Variants in MAP3K5 observed in about 807,000 individuals in gnomAD.
MAP3K5 encodes the protein mitogen-activated protein kinase kinase kinase 5, also known as ASK-1.
MAP3K5 carries 56 observed loss-of-function variants against 158.7 expected under a neutral mutation model. That is an observed-to-expected ratio of 0.35 (90% CI 0.28 to 0.44). MAP3K5 has a LOEUF of 0.44. MAP3K5 is among the 20% of genes least tolerant of loss of function. MAP3K5 has a pLI of 1.00. For synonymous variants in MAP3K5, 579 were observed against 601.7 expected (o/e 0.96, Z 0.55); for missense variants, 1,294 against 1,674.8 (o/e 0.77, Z 3.97).
At position 136,562,837 on chromosome 6, in the gene MAP3K5, A is replaced by ATTTTTTTTTTTT. The variant is rs3040779; in HGVS notation, c.3762-234_3762-223dup. Reference sequence around the variant, plus strand: ...AGACATGCACCACCATGCCTGGCTAATTTTTTTTTTTTTTTTTTTTGTAGA... The same window carrying ATTTTTTTTTTTT: ...AGACATGCACCACCATGCCTGGCTAATTTTTTTTTTTTTTTTTTTTTTTTTTTTTTTTGTAGA... On this transcript the variant is annotated intron_variant, in intron 26 of 29. Coordinates refer to ENST00000359015, the MANE Select transcript of MAP3K5 (RefSeq NM_005923.4). 1.3e-4 allele frequency among the ~76,000 whole-genome samples: 16 copies of ATTTTTTTTTTTT among 124,832 alleles called. No individual in the cohort carries two copies. In the East Asian group the frequency reaches 2.0e-3, roughly 15 times the overall value. The allele number at this position is 124,832 out of a possible 152,430, so 81.9% of individuals were successfully genotyped here.
At chr6:136,618,108 CAG>C (rs891063938) in intron 15 of MAP3K5, among the ~76,000 whole-genome samples, 2 of 152,140 alleles carry the variant, frequency 1.3e-5, no homozygotes, top group African/African-American at 4.8e-5. Context: ...ATGAAGGAAA[CAG>C]AGGAGAAATT....
chr6:136,558,642 A>G (rs1830362055), intron 29 of MAP3K5, among the ~76,000 whole-genome samples, 158 bp downstream of exon 29: 1 of 152,192 alleles, frequency 6.6e-6, no homozygotes, highest in East Asian at 1.9e-4. Flanking sequence ...CAAAAATATC[A>G]TTGTCCAACT....
rs1219820510 is a variant in MAP3K5, at chr6:136,764,121, G to A, written c.448+27589C>T. On this transcript the variant is annotated intron_variant, in intron 1 of 29. Coordinates refer to ENST00000359015, the MANE Select transcript of MAP3K5 (RefSeq NM_005923.4). Reference sequence around the variant, plus strand: ...TGATCAGCCAGCCACCTGTACATGTGCACACCCAGATGACATATGCAAGAA... The same window carrying A: ...TGATCAGCCAGCCACCTGTACATGTACACACCCAGATGACATATGCAAGAA... 2.0e-5 allele frequency among the ~76,000 whole-genome samples: 3 copies of A among 152,164 alleles called. No individual in the cohort carries two copies. The East Asian group carries it at 5.8e-4, about 29-fold the overall frequency.
At chr6:136,773,306 C>T (rs78880795) in intron 1 of MAP3K5, among the ~76,000 whole-genome samples, 3,614 of 152,288 alleles carry the variant, frequency 0.024, 145 homozygotes, top group African/African-American at 0.082. Context: ...CTGCTTTCCT[C>T]GTGAACACAT....
rs1169181502 is a variant in MAP3K5, at chr6:136,557,365, TG to T, written c.*392del. The stretch of plus-strand genomic sequence containing the variant: ...AAACACACAGAAGCCTAAACAGTTA[TG>T]GTCACATTTTGGTTTTGTTCCAGTG... On this transcript the variant is annotated 3_prime_UTR_variant, in exon 30 of 30. Transcript: ENST00000359015. 10 of 173,736 alleles carry T rather than the reference TG, an allele frequency of 5.8e-5. No individual in the cohort carries two copies. The highest frequency in any genetic ancestry group is 2.5e-3 in the Middle Eastern group (1 of 396). 10.8% of individuals were successfully genotyped at this position (173,736 alleles called of 1,614,324 possible).
intron 21 of MAP3K5, among the ~76,000 whole-genome samples, chr6:136,596,681 A>G (rs1480032728): frequency 6.6e-6 from 1 of 152,144 alleles, no homozygotes; most frequent in East Asian, 1.9e-4. Flanking sequence ...AGGAAAATGG[A>G]TGTTTTCTCT....
At position 136,620,734 on chromosome 6, in the gene MAP3K5, T is replaced by C. The variant is rs147005355; in HGVS notation, c.2150+2114A>G. Among the ~76,000 whole-genome samples, 689 of 152,366 alleles carry C rather than the reference T, an allele frequency of 4.5e-3. 19 individuals are homozygous for C. The highest frequency in any genetic ancestry group is 0.04 in the Admixed American group (609 of 15,312). ...TTTGAATACACAACACACACAACTG[T>C]GTATCATACACTACAACTGCGTTGC... On this transcript the variant is annotated intron_variant, in intron 15 of 29. Transcript: ENST00000359015.
At chr6:136,592,764 T>C in intron 21 of MAP3K5, 150 bp from the exon 22 acceptor site, 1 of 757,654 alleles carries the variant, frequency 1.3e-6, no homozygotes, top group Non-Finnish European at 2.3e-6. Flanking sequence ...GGTCATGTGT[T>C]ATGACTGCCT....
chr6:136,630,777 G>A (rs9389419), intron 14 of MAP3K5, among the ~76,000 whole-genome samples: 2 of 152,120 alleles, frequency 1.3e-5, no homozygotes, highest in Non-Finnish European at 2.9e-5. Flanking sequence ...CTCAACTCTA[G>A]CTGTTTAGGG....
intron 3 of MAP3K5, among the ~76,000 whole-genome samples, chr6:136,700,080 GA>G (rs577587528): frequency 6.6e-6 from 1 of 151,780 alleles, no homozygotes; most frequent in Non-Finnish European, 1.5e-5. Flanking sequence ...TCAGGAGAAC[GA>G]AAGAATGAAC....
intron 7 of MAP3K5, among the ~76,000 whole-genome samples, chr6:136,676,270 C>T (rs1195137765): frequency 1.3e-5 from 2 of 152,176 alleles, no homozygotes; most frequent in Admixed American, 1.3e-4. Context: ...AAGAATGCAT[C>T]CACTTCCTAC....
rs372916408 is a variant in MAP3K5, at chr6:136,707,685, A to C, written c.589-2552T>G. On this transcript the variant is annotated intron_variant, in intron 2 of 29. Transcript: ENST00000359015. The stretch of plus-strand genomic sequence containing the variant: ...GAAGAAGGCTTTGAATGCTACAATC[A>C]AGTACTCTGCTCTGTGAGCACCTGG... 1.4e-4 allele frequency among the ~76,000 whole-genome samples: 21 copies of C among 152,372 alleles called. 1 individual carries two copies. Among genetic ancestry groups the C allele is most frequent in the Admixed American group, 1.2e-3 (18 of 15,308 alleles).
intron 1 of MAP3K5, among the ~76,000 whole-genome samples, chr6:136,745,606 T>C (rs948669663): frequency 2.6e-5 from 4 of 152,132 alleles, no homozygotes; most frequent in African/African-American, 7.2e-5. Flanking sequence ...CACAAGACCC[T>C]GTTCACAGGG....
intron 17 of MAP3K5, among the ~76,000 whole-genome samples, chr6:136,612,763 T>G (rs1330552783): frequency 2.0e-5 from 3 of 152,012 alleles, no homozygotes; most frequent in African/African-American, 4.8e-5. Flanking sequence ...GAGTAGCTAC[T>G]ATGGGCAAGG....
chr6:136,639,377 C>A (rs1777810360), intron 13 of MAP3K5, among the ~76,000 whole-genome samples, 166 bp downstream of exon 13: 1 of 151,416 alleles, frequency 6.6e-6, no homozygotes, highest in African/African-American at 2.4e-5. Flanking sequence ...AACCCCCCCC[C>A]AAAATCTGTT....
intron 2 of MAP3K5, among the ~76,000 whole-genome samples, chr6:136,707,592 G>A (rs1010647928): frequency 6.6e-6 from 1 of 152,164 alleles, no homozygotes; most frequent in Non-Finnish European, 1.5e-5. Context: ...GTAGTCATTT[G>A]GCTAAAGCAG....
chr6:136,670,489 A>C (rs920194214), intron 7 of MAP3K5, among the ~76,000 whole-genome samples: 7 of 152,152 alleles, frequency 4.6e-5, no homozygotes, highest in Non-Finnish European at 8.8e-5. Flanking sequence ...ACCAAAAAAA[A>C]AGGTTATGTG....
chr6:136,701,942 G>A (rs1055952032), intron 3 of MAP3K5, among the ~76,000 whole-genome samples: 7 of 152,202 alleles, frequency 4.6e-5, no homozygotes, highest in African/African-American at 1.7e-4. Flanking sequence ...CTGCACCTGT[G>A]TAAAACTAAT....
intron 1 of MAP3K5, among the ~76,000 whole-genome samples, chr6:136,739,453 C>T (rs1582618733): frequency 6.6e-6 from 1 of 152,298 alleles, no homozygotes; most frequent in South Asian, 2.1e-4. Flanking sequence ...GTCAGGGGGA[C>T]ATTCACCCCT....
Sources: allele counts gnomAD v4.1 joint callset (sites outside exome capture counted in the v4.1 genomes callset), GRCh38; gene constraint gnomAD v4.1.1; transcripts MANE v1.5; gene names NCBI Gene and HGNC (gene_info 2026-07-23, HGNC 2026-07-21).